Variants in NOTCH2 observed in about 807,000 individuals in gnomAD.
The protein encoded by NOTCH2 is notch receptor 2.
NOTCH2 carries 29 observed loss-of-function variants against 235.8 expected under a neutral mutation model. The ratio of observed to expected loss-of-function variants is 0.12; its 90% CI spans 0.09 to 0.17. NOTCH2 has a LOEUF of 0.17. Among genes scored for constraint, NOTCH2 ranks in the 10% least tolerant of loss-of-function variants. The pLI is 1.00. For missense variants in NOTCH2, 2,285 were observed against 3,150.2 expected (o/e 0.73, Z 6.57); for synonymous variants, 1,086 against 1,141.5 (o/e 0.95, Z 0.98).
chr1:119,987,422 T>C (rs1160313716), intron 4 of NOTCH2, among the ~76,000 whole-genome samples: 1 of 152,180 alleles, frequency 6.6e-6, no homozygotes, highest in African/African-American at 2.4e-5. Flanking sequence ...TATTGGATTT[T>C]CCCCAGCTCC....
intron 25 of NOTCH2, among the ~76,000 whole-genome samples, chr1:119,924,818 G>A (rs1424763735): frequency 1.3e-5 from 2 of 152,178 alleles, no homozygotes; most frequent in Non-Finnish European, 2.9e-5. Flanking sequence ...TATATGGAAT[G>A]GCTAGTTAAT....
chr1:119,998,646 C>A (rs1345118964), intron 3 of NOTCH2, among the ~76,000 whole-genome samples: 45 of 152,088 alleles, frequency 3.0e-4, no homozygotes, highest in African/African-American at 1.1e-3. Flanking sequence ...GTCTAAGTCA[C>A]TTATTATTTA....
chr1:119,981,488 A>G (rs1395251093), intron 5 of NOTCH2, among the ~76,000 whole-genome samples: 2 of 152,196 alleles, frequency 1.3e-5, no homozygotes, highest in Admixed American at 6.5e-5. Context: ...TATTGAACCT[A>G]CTAACAACCG....
In NOTCH2 at chr1:119,963,793, A is replaced by C; in HGVS notation, c.1696T>G (p.Leu566Val). ...CAGTTGTCAATGTTCTCCTCACACA[A>C]CACACCAGTGAAACCTTTGGAAAGA... The part of the protein sequence containing the change: ...CQCATGFTGV[L>V]CEENIDNCDP... Residue 566 changes from leucine to valine, a missense_variant, in exon 11 of 34, where the codon TTG becomes GTG. Around this residue, in one of 6 missense-constraint regions of NOTCH2, gnomAD observed 431 missense variants for 757.8 expected, o/e 0.57. Transcript: ENST00000256646. 1 of 1,614,026 alleles carries C rather than the reference A, an allele frequency of 6.2e-7. No homozygotes were observed. Among genetic ancestry groups the C allele is most frequent in the Non-Finnish European group, 8.5e-7 (1 of 1,179,894 alleles).
rs2101148123 is a variant in NOTCH2 at position 119,969,554 on chromosome 1, G to A, written c.1065C>T (p.Asp355=). The A allele has an allele frequency of 6.2e-7, 1 of 1,614,026 alleles. No homozygotes were observed. The highest frequency in any genetic ancestry group is 8.5e-7 in the Non-Finnish European group (1 of 1,179,962). The change falls in exon 6 of 34, where the codon GAC becomes GAT. Residue 355 remains aspartate, a synonymous_variant. Coordinates refer to ENST00000256646, the MANE Select transcript of NOTCH2 (RefSeq NM_024408.4). ...ACATGCAAGAGAAGGAGGCCACACG[G>A]TCGATGCAGGTGGAGCCTGGAGTAC... ...ASCTPGSTCI[D]RVASFSCMCP...
chr1:119,959,062 G>A (rs1283129137), intron 12 of NOTCH2, among the ~76,000 whole-genome samples: 6 of 152,086 alleles, frequency 3.9e-5, no homozygotes, highest in African/African-American at 7.2e-5. Flanking sequence ...ATGTCTTTAC[G>A]GAAGGCCTTG....
chr1:119,926,480 T>C lies in NOTCH2; in HGVS notation c.4005+19A>G. The C allele has an allele frequency of 6.4e-7, 1 of 1,556,224 alleles. No individual in the cohort carries two copies. The stretch of plus-strand genomic sequence containing the variant: ...GGAAGAGACAATGCCCCTTCTTAGA[T>C]GAGCAACAGGGCACTTACCGGGGGA... On this transcript the variant is annotated intron_variant, in intron 24 of 33. Transcript: ENST00000256646.
intron 13 of NOTCH2, 90 bp from the exon 14 acceptor site, chr1:119,953,778 T>A: frequency 9.1e-7 from 1 of 1,095,946 alleles, no homozygotes; most frequent in Non-Finnish European, 1.4e-6. Flanking sequence ...AGAAATGGGG[T>A]AAACTGATCT....
chr1:120,028,794 G>A (rs1653971887), intron 2 of NOTCH2, among the ~76,000 whole-genome samples: 1 of 140,382 alleles, frequency 7.1e-6, no homozygotes. Flanking sequence ...TCACAAAAAT[G>A]AAGGAAAAGA....
At position 119,963,530 on chromosome 1, in the gene NOTCH2, A is replaced by C. The variant is rs369447238; in HGVS notation, c.1915+44T>G. 3.3e-6 allele frequency: 5 copies of C among 1,504,584 alleles called. No individual in the cohort carries two copies. The East Asian group carries it at 1.1e-4, about 34-fold the overall frequency. The allele number at this position is 1,504,584 out of a possible 1,614,324, so 93.2% of individuals were successfully genotyped here. ...AAACATCTGTGTAAACAGATTTGAG[A>C]AACAGTGAAAACCCCATACCAAACA... On this transcript the variant is annotated intron_variant, in intron 11 of 33. Coordinates refer to ENST00000256646, the MANE Select transcript of NOTCH2 (RefSeq NM_024408.4).
intron 2 of NOTCH2, among the ~76,000 whole-genome samples, chr1:120,008,556 AAC>A (rs1468118142): frequency 0.034 from 3,709 of 108,574 alleles, 70 homozygotes; most frequent in African/African-American, 0.12. Flanking sequence ...CCACTACAAC[AAC>A]AGAGTCAAGT....
Position 119,986,946 on chromosome 1 carries a change from C to T in NOTCH2, c.874+14G>A. ...CCATATCCCATTCTGGTGGATTCTC[C>T]ACACTGTACATACCTGTCCATTGTG... On this transcript the variant is annotated intron_variant, in intron 5 of 33. Transcript: ENST00000256646. 6.2e-7 allele frequency: 1 copy of T among 1,613,380 alleles called. No homozygotes were observed. The highest frequency in any genetic ancestry group is 1.1e-5 in the South Asian group (1 of 91,074).
At chr1:120,043,038 GA>G (rs1212226277) in intron 1 of NOTCH2, among the ~76,000 whole-genome samples, 1 of 151,302 alleles carries the variant, frequency 6.6e-6, no homozygotes, top group African/African-American at 2.4e-5. Context: ...AGTAAAATGA[GA>G]GTAACAGGCA....
intron 1 of NOTCH2, among the ~76,000 whole-genome samples, chr1:120,064,068 C>T (rs1300166266): frequency 6.6e-6 from 1 of 151,770 alleles, no homozygotes; most frequent in African/African-American, 2.4e-5. Context: ...CTATCACCTG[C>T]ACAGGTCTCA....
chr1:120,010,844 A>T (rs1446294668), intron 2 of NOTCH2, among the ~76,000 whole-genome samples: 3 of 152,194 alleles, frequency 2.0e-5, no homozygotes, highest in Non-Finnish European at 4.4e-5. Context: ...AGCATTATTC[A>T]TAATAGCTAA....
intron 29 of NOTCH2, among the ~76,000 whole-genome samples, chr1:119,920,599 C>A (rs587749632): frequency 6.6e-6 from 1 of 152,284 alleles, no homozygotes; most frequent in East Asian, 1.9e-4. Context: ...CCTGCATCAT[C>A]TAGACAACTC....
chr1:120,010,943 G>A (rs1653165910), intron 2 of NOTCH2, among the ~76,000 whole-genome samples: 2 of 152,102 alleles, frequency 1.3e-5, no homozygotes, highest in African/African-American at 4.8e-5. Context: ...GCCATGAAAA[G>A]GAATGACATT....
chr1:120,012,562 T>C (rs587770922), intron 2 of NOTCH2, among the ~76,000 whole-genome samples: 3 of 152,150 alleles, frequency 2.0e-5, no homozygotes, highest in African/African-American at 7.2e-5. Context: ...GTTTCCTTGA[T>C]TGAGACAACT....
intron 1 of NOTCH2, among the ~76,000 whole-genome samples, chr1:120,037,540 G>A (rs1654356122): frequency 1.4e-5 from 2 of 147,048 alleles, no homozygotes; most frequent in South Asian, 4.4e-4. Flanking sequence ...CCATTTTTTG[G>A]GATCAAGCCA....
Sources: gnomAD v4.1 joint callset for allele counts (sites outside exome capture counted in the v4.1 genomes callset) on GRCh38, gnomAD v4.1.1 for gene constraint, gnomAD v4.1.1 regional missense constraint, MANE v1.5 for transcripts, NCBI Gene and HGNC (gene_info 2026-07-23, HGNC 2026-07-21) for gene names.